Variants in TTC34 observed in about 807,000 individuals in gnomAD.
TTC34 encodes tetratricopeptide repeat protein 34.
In TTC34, 44 loss-of-function variants were observed where a neutral mutation model predicts 40.7. That is an observed-to-expected ratio of 1.08 (90% CI 0.85 to 1.39). The LOEUF is 1.39. Ranked by LOEUF, TTC34 falls within the 40% of genes most tolerant of loss-of-function variation. TTC34 has a pLI of 0.00. For synonymous variants in TTC34, 422 were observed against 398.6 expected (o/e 1.06, Z -0.70); for missense variants, 884 against 838.0 (o/e 1.05, Z -0.68).
At chr1:2,778,041 G>T (rs1643354002) in intron 6 of TTC34, among the ~76,000 whole-genome samples, 1 of 152,216 alleles carries the variant, frequency 6.6e-6, no homozygotes, top group African/African-American at 2.4e-5. Context: ...AGCCCCAAAT[G>T]CATGTCTCCC....
chr1:2,683,877 G>C (rs61763533), intron 6 of TTC34, among the ~76,000 whole-genome samples: 2,217 of 33,810 alleles, frequency 0.066, 5 homozygotes, highest in African/African-American at 0.098. Flanking sequence ...CCCACACCCC[G>C]AGGCGAGCAT....
chr1:2,748,199 A>C (rs1426525078), intron 6 of TTC34, among the ~76,000 whole-genome samples: 102 of 49,992 alleles, frequency 2.0e-3, no homozygotes, highest in South Asian at 3.0e-3. Context: ...AGAACCCAGA[A>C]CCCCAGGCGA....
intron 6 of TTC34, among the ~76,000 whole-genome samples, chr1:2,777,698 G>T (rs77836020): frequency 6.6e-6 from 1 of 150,862 alleles, no homozygotes; most frequent in Non-Finnish European, 1.5e-5. Flanking sequence ...TGGGGGGGGG[G>T]GCGCAGCATC....
intron 6 of TTC34, among the ~76,000 whole-genome samples, chr1:2,683,234 C>A (rs1158826657): frequency 6.7e-6 from 1 of 148,832 alleles, no homozygotes; most frequent in Non-Finnish European, 1.5e-5. Flanking sequence ...CCCACACCCC[C>A]AAGTGAGCAT....
At chr1:2,697,158 C>CT (rs1640904693) in intron 6 of TTC34, among the ~76,000 whole-genome samples, 2 of 126,324 alleles carry the variant, frequency 1.6e-5, no homozygotes, top group Middle Eastern at 4.0e-3. Flanking sequence ...GAACAGCACC[C>CT]ACACACCCAG....
chr1:2,638,251 C>A (rs1570739876), exon 9 of TTC34: 1 of 152,162 alleles, frequency 6.6e-6, no homozygotes, highest in Non-Finnish European at 1.5e-5. Flanking sequence ...TAAGATGTTA[C>A]AAATTCACAC....
At chr1:2,685,005 C>T (rs575094942) in intron 6 of TTC34, among the ~76,000 whole-genome samples, 6 of 136,156 alleles carry the variant, frequency 4.4e-5, no homozygotes, top group East Asian at 4.5e-4. Flanking sequence ...TACCCCCAGG[C>T]GAGCATCTGA....
At chr1:2,682,029 C>G (rs1246454023) in intron 6 of TTC34, among the ~76,000 whole-genome samples, 1 of 123,422 alleles carries the variant, frequency 8.1e-6, no homozygotes, top group African/African-American at 3.2e-5. Context: ...CCCATACCCA[C>G]AGGTGAGCAT....
chr1:2,784,361 A>G (rs1057003940), intron 5 of TTC34, among the ~76,000 whole-genome samples: 2 of 152,228 alleles, frequency 1.3e-5, no homozygotes, highest in African/African-American at 2.4e-5. Flanking sequence ...AACCAGGAGT[A>G]TGGGAGGAAC....
chr1:2,752,986 C>T (rs1641375071), intron 6 of TTC34, among the ~76,000 whole-genome samples: 1 of 146,160 alleles, frequency 6.8e-6, no homozygotes, highest in East Asian at 2.1e-4. Context: ...CCCAGGTGAG[C>T]ATCTGACCGC....
chr1:2,638,555 C>T (rs994651365), exon 9 of TTC34: 1 of 152,316 alleles, frequency 6.6e-6, no homozygotes, highest in Admixed American at 6.5e-5. Flanking sequence ...CCACCTCCAG[C>T]TGAGCACTGA....
intron 6 of TTC34, among the ~76,000 whole-genome samples, chr1:2,779,637 T>C (rs2100615426): frequency 6.6e-6 from 1 of 152,352 alleles, no homozygotes; most frequent in African/African-American, 2.4e-5. Flanking sequence ...GTTCTATTTT[T>C]AGCTTTTTGG....
At chr1:2,759,478 C>A (rs1473790090) in intron 6 of TTC34, among the ~76,000 whole-genome samples, 36 of 119,498 alleles carry the variant, frequency 3.0e-4, no homozygotes, top group Middle Eastern at 4.1e-3. Context: ...GCACCCCACA[C>A]CCCCAGGTGA....
intron 6 of TTC34, among the ~76,000 whole-genome samples, chr1:2,673,556 C>A (rs1344201106): frequency 1.2e-4 from 6 of 49,948 alleles, no homozygotes; most frequent in Non-Finnish European, 2.2e-4. Context: ...AGCACCAACA[C>A]CCCCAGGCGA....
intron 6 of TTC34, among the ~76,000 whole-genome samples, chr1:2,751,305 C>G (rs1452281130): frequency 1.5e-4 from 3 of 20,004 alleles, no homozygotes; most frequent in African/African-American, 3.2e-4. Flanking sequence ...GAGCATCCGA[C>G]ACCGTGGAGC....
chr1:2,797,933 T>C (rs1391726837), intron 2 of TTC34, among the ~76,000 whole-genome samples: 1 of 151,978 alleles, frequency 6.6e-6, no homozygotes, highest in Non-Finnish European at 1.5e-5. Flanking sequence ...AGACATGTGG[T>C]TTCTCTGCAA....
chr1:2,781,089 C>CAATAA (rs1643475894), intron 6 of TTC34, among the ~76,000 whole-genome samples: 1 of 152,082 alleles, frequency 6.6e-6, no homozygotes, highest in Admixed American at 6.6e-5. Context: ...GAATTTTTTT[C>CAATAA]AATAAATACA....
At chr1:2,677,719 C>A (rs940511716) in intron 6 of TTC34, among the ~76,000 whole-genome samples, 78 of 140,500 alleles carry the variant, frequency 5.6e-4, no homozygotes, top group East Asian at 1.8e-3. Flanking sequence ...CAGCCTGGAA[C>A]AGCACCCTGC....
chr1:2,675,174 TCTGA>T (rs1317317694), intron 6 of TTC34, among the ~76,000 whole-genome samples: 4 of 146,386 alleles, frequency 2.7e-5, no homozygotes, highest in Non-Finnish European at 4.5e-5. Flanking sequence ...CAGGGGAGCA[TCTGA>T]CATCCTGGAG....
Sources: gnomAD v4.1 joint callset for allele counts (sites outside exome capture counted in the v4.1 genomes callset) on GRCh38, gnomAD v4.1.1 for gene constraint, MANE v1.5 for transcripts, NCBI Gene and HGNC (gene_info 2026-07-23, HGNC 2026-07-21) for gene names.